The following HCN1 variants were observed in gnomAD, a reference collection of about 807,000 sequenced individuals.
HCN1 encodes hyperpolarization activated cyclic nucleotide gated potassium channel 1.
In HCN1, 13 loss-of-function variants were observed where a neutral mutation model predicts 78.9. That is an observed-to-expected ratio of 0.16 (90% CI 0.11 to 0.26). The LOEUF (loss-of-function observed/expected upper bound fraction) is 0.26, where lower values mean the gene tolerates loss of function less well. Among genes scored for constraint, HCN1 ranks in the 10% least tolerant of loss-of-function variants. The pLI, the probability that HCN1 is intolerant of heterozygous loss-of-function variation, is 1.00. For synonymous variants in HCN1, 552 were observed against 455.5 expected, an observed-to-expected ratio of 1.21 and a Z score of -2.70; for missense variants, 810 against 1,154.3, an observed-to-expected ratio of 0.70 and a Z score of 4.32.
intron 5 of HCN1, among the ~76,000 whole-genome samples, chr5:45,313,777 A>ATT (rs1745912747): frequency 6.6e-6 from 1 of 152,238 alleles, no homozygotes; most frequent in South Asian, 2.1e-4. Context: ...GTGACTGAAG[A>ATT]TCAAATTAAT....
chr5:45,632,226 T>C (rs1176862914), intron 2 of HCN1, among the ~76,000 whole-genome samples: 2 of 151,992 alleles, frequency 1.3e-5, no homozygotes, highest in Non-Finnish European at 2.9e-5. Flanking sequence ...ATGGAATTTA[T>C]AGCAGCCTGA....
intron 6 of HCN1, among the ~76,000 whole-genome samples, chr5:45,299,109 T>C (rs1007723769): frequency 4.6e-5 from 7 of 151,976 alleles, no homozygotes; most frequent in African/African-American, 1.7e-4. Flanking sequence ...ACTTTAATGA[T>C]TAAAAGTAGC....
intron 1 of HCN1, among the ~76,000 whole-genome samples, chr5:45,679,701 C>T (rs1177035263): frequency 6.6e-6 from 1 of 151,970 alleles, no homozygotes; most frequent in Non-Finnish European, 1.5e-5. Context: ...ATTGTACTTT[C>T]AATACAAAAA....
At chr5:45,558,510 A>T in intron 2 of HCN1, 1 of 152,192 alleles carries the variant, frequency 6.6e-6, no homozygotes, top group African/African-American at 2.4e-5. Context: ...AAAGAGGCTT[A>T]AATTGAAATA....
chr5:45,524,631 C>T (rs559962263), intron 2 of HCN1, among the ~76,000 whole-genome samples: 6 of 151,826 alleles, frequency 4.0e-5, no homozygotes, highest in African/African-American at 7.3e-5. Context: ...TGTGAATGGG[C>T]GTTCACTCAT....
intron 6 of HCN1, among the ~76,000 whole-genome samples, chr5:45,294,790 G>C (rs1398518062): frequency 6.6e-6 from 1 of 151,880 alleles, no homozygotes; most frequent in Non-Finnish European, 1.5e-5. Context: ...TAAATAAAAG[G>C]GCCATGGATA....
In HCN1 at chr5:45,336,509, AC is replaced by A. The variant is rs576933375; in HGVS notation, c.1377+16590del. 3.3e-3 allele frequency among the ~76,000 whole-genome samples: 496 copies of A among 152,170 alleles called. 2 individuals are homozygous for A. The highest frequency in any genetic ancestry group is 0.011 in the African/African-American group (472 of 41,548). Reference sequence around the variant, plus strand: ...CTAGCTTGAGGATGAACAACACACAACTGTTATCTGCCACTGTGAATCTTCT... The same window carrying A: ...CTAGCTTGAGGATGAACAACACACAATGTTATCTGCCACTGTGAATCTTCT... On this transcript the variant is annotated intron_variant, in intron 5 of 7. Coordinates refer to ENST00000303230, the MANE Select transcript of HCN1 (RefSeq NM_021072.4).
At chr5:45,400,500 G>C (rs1739772094) in intron 3 of HCN1, among the ~76,000 whole-genome samples, 1 of 147,562 alleles carries the variant, frequency 6.8e-6, no homozygotes, top group African/African-American at 2.5e-5. Flanking sequence ...CTGGGTTCAA[G>C]TGATTCTTTT....
At chr5:45,318,607 A>G (rs1437470543) in intron 5 of HCN1, among the ~76,000 whole-genome samples, 1 of 151,544 alleles carries the variant, frequency 6.6e-6, no homozygotes, top group Non-Finnish European at 1.5e-5. Context: ...AGTATAATAA[A>G]AAAAGAAAAA....
intron 2 of HCN1, among the ~76,000 whole-genome samples, chr5:45,565,612 C>G (rs1197885082): frequency 6.6e-6 from 1 of 151,976 alleles, no homozygotes; most frequent in Non-Finnish European, 1.5e-5. Flanking sequence ...TGCTTAAGCC[C>G]AGGAGTTTGA....
At chr5:45,635,710 C>A (rs1157564634) in intron 2 of HCN1, among the ~76,000 whole-genome samples, 1 of 152,070 alleles carries the variant, frequency 6.6e-6, no homozygotes, top group Non-Finnish European at 1.5e-5. Context: ...ATCTAAATTG[C>A]ACACATCAGC....
intron 2 of HCN1, among the ~76,000 whole-genome samples, chr5:45,603,363 T>C (rs1744663176): frequency 6.6e-6 from 1 of 152,020 alleles, no homozygotes. Flanking sequence ...TAAATCACAT[T>C]AAAAAGTCAT....
At chr5:45,371,646 A>G (rs970699425) in intron 4 of HCN1, among the ~76,000 whole-genome samples, 1 of 149,972 alleles carries the variant, frequency 6.7e-6, no homozygotes, top group Non-Finnish European at 1.5e-5. Context: ...AATCCCAGCT[A>G]CTCGTGAGGC....
At chr5:45,522,769 G>A (rs1742641382) in intron 2 of HCN1, among the ~76,000 whole-genome samples, 1 of 151,602 alleles carries the variant, frequency 6.6e-6, no homozygotes, top group Non-Finnish European at 1.5e-5. Context: ...CCATCCTGCT[G>A]CTTGTTTTCC....
intron 2 of HCN1, among the ~76,000 whole-genome samples, chr5:45,537,590 G>A: frequency 7.6e-6 from 1 of 131,274 alleles, no homozygotes; most frequent in African/African-American, 3.0e-5. Context: ...CCAGGCTGGA[G>A]TGAAGTGGCG....
At chr5:45,454,286 T>C (rs1042446503) in intron 3 of HCN1, among the ~76,000 whole-genome samples, 9 of 152,088 alleles carry the variant, frequency 5.9e-5, no homozygotes, top group Admixed American at 3.9e-4. Context: ...TGAGGTCATG[T>C]TTCTATCCAA....
At chr5:45,506,697 G>A (rs1742308610) in intron 2 of HCN1, among the ~76,000 whole-genome samples, 1 of 152,048 alleles carries the variant, frequency 6.6e-6, no homozygotes, top group Non-Finnish European at 1.5e-5. Context: ...AGGCTTTAAA[G>A]CCTCTCCTTC....
intron 7 of HCN1, among the ~76,000 whole-genome samples, chr5:45,264,558 T>C (rs1561080241): frequency 6.6e-6 from 1 of 152,210 alleles, no homozygotes; most frequent in Non-Finnish European, 1.5e-5. Flanking sequence ...ACTGCCAAAA[T>C]AGTTACCTCT....
intron 5 of HCN1, among the ~76,000 whole-genome samples, chr5:45,338,790 T>A (rs1284210848): frequency 6.6e-6 from 1 of 152,174 alleles, no homozygotes; most frequent in African/African-American, 2.4e-5. Flanking sequence ...TGATGTTATA[T>A]TTCTCATCGT....
Sources: gnomAD v4.1 joint callset for allele counts (sites outside exome capture counted in the v4.1 genomes callset) on GRCh38, gnomAD v4.1.1 for gene constraint, MANE v1.5 for transcripts, NCBI Gene and HGNC (gene_info 2026-07-23, HGNC 2026-07-21) for gene names.